NCAM1: variants seen among roughly 807,000 people sequenced by gnomAD.
NCAM1 encodes antigen recognized by monoclonal antibody 5.1H11.
NCAM1 carries 14 observed loss-of-function variants against 109.8 expected under a neutral mutation model. That is an observed-to-expected ratio of 0.13 (90% CI 0.08 to 0.20). The LOEUF (loss-of-function observed/expected upper bound fraction) is 0.20. Ranked by LOEUF, NCAM1 falls within the 10% of genes least tolerant of loss-of-function variation. The pLI is 1.00. For missense variants in NCAM1, 774 were observed against 1,109.9 expected (o/e 0.70, Z 4.30); for synonymous variants, 418 against 442.9 (o/e 0.94, Z 0.70).
chr11:113,267,928 G>T (rs1239815772), intron 17 of NCAM1, among the ~76,000 whole-genome samples: 4 of 152,202 alleles, frequency 2.6e-5, no homozygotes, highest in Non-Finnish European at 5.9e-5. Flanking sequence ...ATAAACCTCA[G>T]AAGATATAAT....
intron 1 of NCAM1, among the ~76,000 whole-genome samples, chr11:113,049,257 A>G (rs1218865720): frequency 6.6e-6 from 1 of 150,858 alleles, no homozygotes; most frequent in African/African-American, 2.5e-5. Flanking sequence ...CACTTCAATG[A>G]AAAAAAAATG....
chr11:113,101,646 G>T (rs1555091554), intron 1 of NCAM1, among the ~76,000 whole-genome samples: 1 of 152,150 alleles, frequency 6.6e-6, no homozygotes, highest in African/African-American at 2.4e-5. Context: ...TATCAAAGAA[G>T]TAAGATTCTT....
At chr11:113,215,445 G>A (rs566724107) in intron 8 of NCAM1, among the ~76,000 whole-genome samples, 43 of 152,226 alleles carry the variant, frequency 2.8e-4, no homozygotes, top group African/African-American at 8.4e-4. Context: ...ATTGCTTATT[G>A]ATCAGAATGT....
At chr11:113,127,833 G>C (rs968333113) in intron 1 of NCAM1, among the ~76,000 whole-genome samples, 50 of 152,162 alleles carry the variant, frequency 3.3e-4, no homozygotes, top group African/African-American at 1.1e-3. Context: ...TCAGCAGGTG[G>C]GTTGTATGTT....
chr11:113,082,243 C>T (rs1236923668), intron 1 of NCAM1, among the ~76,000 whole-genome samples: 1 of 152,174 alleles, frequency 6.6e-6, no homozygotes, highest in Non-Finnish European at 1.5e-5. Context: ...AGACCAAGAA[C>T]CACACAGATT....
At chr11:112,994,792 C>A (rs531387514) in intron 1 of NCAM1, among the ~76,000 whole-genome samples, 6 of 152,256 alleles carry the variant, frequency 3.9e-5, no homozygotes, top group African/African-American at 1.2e-4. Context: ...GTTTCTTTAC[C>A]CTGCTTCTTT....
intron 14 of NCAM1, among the ~76,000 whole-genome samples, chr11:113,241,201 C>T (rs1245396207): frequency 6.6e-6 from 1 of 152,218 alleles, no homozygotes; most frequent in African/African-American, 2.4e-5. Flanking sequence ...TCTGCAGGGT[C>T]ATAGAAAATG....
At chr11:113,129,320 G>C (rs1941303102) in intron 1 of NCAM1, among the ~76,000 whole-genome samples, 1 of 152,150 alleles carries the variant, frequency 6.6e-6, no homozygotes, top group Admixed American at 6.5e-5. Context: ...AGATTAAACT[G>C]TTGTCCTGGC....
chr11:113,114,727 C>CG (rs529787641), intron 1 of NCAM1, among the ~76,000 whole-genome samples: 205 of 152,266 alleles, frequency 1.3e-3, no homozygotes, highest in Non-Finnish European at 2.5e-3. Flanking sequence ...GCCTGTGTGG[C>CG]GCAGCTTTCT....
chr11:113,262,948 T>C, intron 17 of NCAM1: 1 of 1,610,524 alleles, frequency 6.2e-7, no homozygotes, highest in Non-Finnish European at 8.5e-7. Context: ...AAAAATTAAA[T>C]TTGCTTAAAA....
chr11:113,260,046 ATT>A, intron 16 of NCAM1, 98 bp from the exon 17 acceptor site: 2 of 1,065,014 alleles, frequency 1.9e-6, no homozygotes, highest in Non-Finnish European at 2.7e-6. Flanking sequence ...GCCAAAAGTT[ATT>A]GAGTCCCGTA....
At chr11:113,201,531 A>G (rs964273380) in intron 1 of NCAM1, among the ~76,000 whole-genome samples, 6 of 152,196 alleles carry the variant, frequency 3.9e-5, no homozygotes, top group Admixed American at 1.3e-4. Flanking sequence ...TCGAAACTCT[A>G]TTTTCATGAG....
intron 1 of NCAM1, among the ~76,000 whole-genome samples, chr11:113,038,218 C>T (rs1388834535): frequency 6.6e-6 from 1 of 152,184 alleles, no homozygotes; most frequent in Non-Finnish European, 1.5e-5. Flanking sequence ...TCACTAATCC[C>T]TAAATCGATG....
chr11:113,271,011 G>A (rs1406169748), intron 18 of NCAM1, among the ~76,000 whole-genome samples: 1 of 146,984 alleles, frequency 6.8e-6, no homozygotes, highest in Non-Finnish European at 1.5e-5. Context: ...GACTGAGCAA[G>A]GAAATAAGTT....
intron 1 of NCAM1, among the ~76,000 whole-genome samples, chr11:112,990,448 T>C (rs1462565962): frequency 3.3e-5 from 5 of 152,156 alleles, no homozygotes; most frequent in Non-Finnish European, 5.9e-5. Context: ...CTGACCACCG[T>C]TGAGAGGGAC....
At chr11:113,140,608 C>A (rs1205123952) in intron 1 of NCAM1, among the ~76,000 whole-genome samples, 2 of 152,120 alleles carry the variant, frequency 1.3e-5, no homozygotes, top group Admixed American at 1.3e-4. Context: ...GATTTTTTGA[C>A]CCTGAATGTA....
intron 1 of NCAM1, among the ~76,000 whole-genome samples, chr11:112,981,450 G>T (rs1591211022): frequency 6.6e-6 from 1 of 151,802 alleles, no homozygotes; most frequent in South Asian, 2.1e-4. Flanking sequence ...TATGAAAATG[G>T]TTACATAATT....
intron 1 of NCAM1, among the ~76,000 whole-genome samples, chr11:113,042,089 T>C (rs2155646): frequency 0.45 from 68,500 of 152,060 alleles, 16,350 homozygotes; most frequent in East Asian, 0.81. Flanking sequence ...ATCAGTTAAG[T>C]CTCGCCCTGT....
At chr11:113,176,040 A>T (rs1555106966) in intron 1 of NCAM1, among the ~76,000 whole-genome samples, 1 of 152,156 alleles carries the variant, frequency 6.6e-6, no homozygotes, top group Non-Finnish European at 1.5e-5. Flanking sequence ...TAAAATAAAG[A>T]ATGTGGGTAG....
Sources: allele counts gnomAD v4.1 joint callset (sites outside exome capture counted in the v4.1 genomes callset), GRCh38; gene constraint gnomAD v4.1.1; transcripts MANE v1.5; gene names NCBI Gene and HGNC (gene_info 2026-07-23, HGNC 2026-07-21).